Variants in VIP observed in about 807,000 individuals in gnomAD.
VIP encodes VIP peptides.
In VIP, 18 loss-of-function variants were observed where a neutral mutation model predicts 20.1. That is an observed-to-expected ratio of 0.90 (90% CI 0.62 to 1.33). VIP has a LOEUF of 1.33. Ranked by LOEUF, VIP falls within the 40% of genes most tolerant of loss-of-function variation. The pLI, the probability that VIP is intolerant of heterozygous loss-of-function variation, is 0.00. For missense variants in VIP, 209 were observed against 199.4 expected, an observed-to-expected ratio of 1.05 and a Z score of -0.29; for synonymous variants, 70 against 68.1, an observed-to-expected ratio of 1.03 and a Z score of -0.14.
At position 152,759,541 on chromosome 6, in the gene VIP, A is replaced by G. The variant is rs2099730922; in HGVS notation, c.*675A>G. On this transcript the variant is annotated 3_prime_UTR_variant, in exon 7 of 7. Coordinates refer to ENST00000367244, the MANE Select transcript of VIP (RefSeq NM_003381.4). Reference sequence around the variant, plus strand: ...AAGGAGAACGACCCCTGCTTCTGACACTGAAACTTCCCTTTCTGCTTGTGT... The same window carrying G: ...AAGGAGAACGACCCCTGCTTCTGACGCTGAAACTTCCCTTTCTGCTTGTGT... The G allele has an allele frequency of 6.6e-6, 1 of 151,880 alleles. No homozygotes were observed. Among genetic ancestry groups the G allele is most frequent in the Non-Finnish European group, 1.5e-5 (1 of 67,944 alleles). 9.4% of individuals were successfully genotyped at this position (151,880 alleles called of 1,614,324 possible). A position where few individuals can be genotyped will look rare whatever the true frequency, so the allele number is the denominator to read the frequency against.
In VIP at chr6:152,759,462, T is replaced by C. The variant is rs926129416; in HGVS notation, c.*596T>C. ...TTATTTTTAATGGTGTTTTAAAAAA[T>C]CTCAAATTTGGATTGCTAATCACCA... On this transcript the variant is annotated 3_prime_UTR_variant, in exon 7 of 7. Transcript: ENST00000367244. 4.6e-5 allele frequency: 7 copies of C among 151,936 alleles called. No homozygotes were observed. The highest frequency in any genetic ancestry group is 1.7e-4 in the African/African-American group (7 of 41,382). The allele number at this position is 151,936 out of a possible 1,614,324, so 9.4% of individuals were successfully genotyped here.
chr6:152,753,454 A>G (rs2099729953), intron 2 of VIP, among the ~76,000 whole-genome samples: 1 of 152,104 alleles, frequency 6.6e-6, no homozygotes, highest in Non-Finnish European at 1.5e-5. Context: ...CATATTCCAT[A>G]TATGCATTTG....
intron 5 of VIP, 38 bp downstream of exon 5, chr6:152,756,303 G>T: frequency 6.3e-7 from 1 of 1,585,026 alleles, no homozygotes; most frequent in South Asian, 1.2e-5. Flanking sequence ...GAGGAATCAT[G>T]ACTGACTTTC....
rs899553793 is a variant in VIP, at chr6:152,759,308, T to C, written c.*442T>C. On this transcript the variant is annotated 3_prime_UTR_variant, in exon 7 of 7. Transcript: ENST00000367244. ...TAATCAGTGTGTCTAAATTTGAATG[T>C]TAAGCAGATGGAATGCTGTGTTAAA... The C allele has an allele frequency of 2.6e-5, 4 of 152,028 alleles. No individual in the cohort carries two copies. Among genetic ancestry groups the C allele is most frequent in the African/African-American group, 9.7e-5 (4 of 41,416 alleles). The allele number at this position is 152,028 out of a possible 1,614,324, so 9.4% of individuals were successfully genotyped here. A position where few individuals can be genotyped will look rare whatever the true frequency, so the allele number is the denominator to read the frequency against.
chr6:152,752,156 C>G lies in VIP; in HGVS notation c.-10-12C>G. 6.3e-7 allele frequency: 1 copy of G among 1,599,912 alleles called. No homozygotes were observed. The highest frequency in any genetic ancestry group is 8.6e-7 in the Non-Finnish European group (1 of 1,167,842). ...TTTGGCTGGAAGAACTGAGGTGATT[C>G]TCTCTCTTTAGAGGCACAGAAATGG... On this transcript the variant is annotated splice_polypyrimidine_tract_variant and intron_variant, in intron 1 of 6. Coordinates refer to ENST00000367244, the MANE Select transcript of VIP (RefSeq NM_003381.4).
chr6:152,757,408 A>C (rs1489208756), intron 6 of VIP, among the ~76,000 whole-genome samples: 3 of 151,922 alleles, frequency 2.0e-5, no homozygotes, highest in Admixed American at 2.0e-4. Flanking sequence ...CACAATAAGC[A>C]AACGTTTTGA....
rs113416868 is a variant in VIP at position 152,755,812 on chromosome 6, G to GT, written c.336-314dup. On this transcript the variant is annotated intron_variant, in intron 4 of 6. Coordinates refer to ENST00000367244, the MANE Select transcript of VIP (RefSeq NM_003381.4). ...GCATAGCTTCTAAAGAAGTAATTATGTTTTTTTTAAAAAAAAAAAAAATTT... is the reference window on the plus strand; with the variant it reads ...GCATAGCTTCTAAAGAAGTAATTATGTTTTTTTTTAAAAAAAAAAAAAATTT... 7.4e-3 allele frequency among the ~76,000 whole-genome samples: 1,097 copies of GT among 148,466 alleles called. 4 individuals carry two copies. Among genetic ancestry groups the GT allele is most frequent in the African/African-American group, 0.016 (656 of 40,226 alleles).
In VIP at chr6:152,755,340, A is replaced by G. The variant is rs571217593; in HGVS notation, c.302A>G (p.Lys101Arg). The G allele has an allele frequency of 3.3e-5, 52 of 1,594,042 alleles. No homozygotes were observed. The South Asian group carries it at 5.4e-4, about 17-fold the overall frequency. Residue 101 changes from lysine (K) to arginine (R), a missense_variant, in exon 4 of 7, where the codon AAG (lysine) becomes AGG (arginine). Coordinates refer to ENST00000367244, the MANE Select transcript of VIP (RefSeq NM_003381.4). ...CTCTTGGGTCAACTTTCTGCCAAAA[A>G]GTACCTTGAGTCTCTTATGGGAAAA... ...SKLLGQLSAKKYLESLMGKRV... is the reference protein window; with the variant it reads ...SKLLGQLSAKRYLESLMGKRV...
At chr6:152,754,728 A>G (rs1271083053) in intron 3 of VIP, among the ~76,000 whole-genome samples, 1 of 151,940 alleles carries the variant, frequency 6.6e-6, no homozygotes, top group African/African-American at 2.4e-5. Context: ...GGTACAGACA[A>G]AGTATAAAAG....
Position 152,757,090 on chromosome 6 carries a change from C to T in VIP, c.468-6C>T, listed in dbSNP as rs758287958. The T allele has an allele frequency of 8.3e-5, 133 of 1,611,484 alleles. No individual in the cohort carries two copies. The highest frequency in any genetic ancestry group is 1.6e-4 in the Middle Eastern group (1 of 6,066). ...TTAATATGTACAATGTTTTTCTGGTCTGCAGCAGTGAGGGAGAATCTCCCG... is the reference window on the plus strand; with the variant it reads ...TTAATATGTACAATGTTTTTCTGGTTTGCAGCAGTGAGGGAGAATCTCCCG... On this transcript the variant is annotated splice_region_variant and splice_polypyrimidine_tract_variant and intron_variant, in intron 5 of 6. Coordinates refer to ENST00000367244, the MANE Select transcript of VIP (RefSeq NM_003381.4).
At chr6:152,756,049 A>G in intron 4 of VIP, 85 bp from the exon 5 acceptor site, 1 of 1,372,092 alleles carries the variant, frequency 7.3e-7, no homozygotes, top group Non-Finnish European at 9.6e-7. Flanking sequence ...ATTGCTTTTT[A>G]TGTGGCTCCA....
chr6:152,757,855 A>G (rs959017935), intron 6 of VIP, among the ~76,000 whole-genome samples: 3 of 151,970 alleles, frequency 2.0e-5, no homozygotes, highest in African/African-American at 7.2e-5. Flanking sequence ...TTGATTTTAT[A>G]TAAATGTGGG....
chr6:152,752,324 C>T (rs747236671), intron 2 of VIP, 40 bp downstream of exon 2: 2 of 1,514,288 alleles, frequency 1.3e-6, no homozygotes, highest in East Asian at 2.3e-5. Context: ...ACATTCCTTC[C>T]TCATCTAAAT....
At chr6:152,755,397 T>C in intron 4 of VIP, 24 bp downstream of exon 4, 1 of 1,321,136 alleles carries the variant, frequency 7.6e-7, no homozygotes, top group Non-Finnish European at 1.0e-6. Flanking sequence ...ATTATTTTTA[T>C]AAAATATGTT....
In VIP at chr6:152,757,126, A is replaced by G; in HGVS notation, c.498A>G (p.Glu166=). ...SSEGESPDFP[E]ELEK ...AGGGAGAATCTCCCGACTTTCCAGA[A>G]GAGTTAGAAAAATGATGAAAAAGAC... The change falls in exon 6 of 7, where the codon GAA becomes GAG. Residue 166 remains glutamate (E), a synonymous_variant. Transcript: ENST00000367244. The G allele has an allele frequency of 6.2e-7, 1 of 1,611,904 alleles. No homozygotes were observed. Among genetic ancestry groups the G allele is most frequent in the Non-Finnish European group, 8.5e-7 (1 of 1,178,688 alleles).
At chr6:152,754,099 T>C in intron 2 of VIP, 67 bp from the exon 3 acceptor site, 1 of 1,523,250 alleles carries the variant, frequency 6.6e-7, no homozygotes, top group South Asian at 1.3e-5. Flanking sequence ...TTTTAAATGG[T>C]TGCGGAACCA....
intron 2 of VIP, among the ~76,000 whole-genome samples, chr6:152,753,013 G>A (rs368921914): frequency 1.6e-4 from 25 of 152,164 alleles, no homozygotes; most frequent in African/African-American, 5.3e-4. Context: ...GGGCACCACT[G>A]TATCTCCAAA....
chr6:152,754,390 T>A, intron 3 of VIP, 102 bp downstream of exon 3: 3 of 1,130,610 alleles, frequency 2.7e-6, no homozygotes, highest in Admixed American at 5.2e-5. Context: ...GCTATTCCGA[T>A]AGCAAAACAC....
chr6:152,752,781 A>G (rs1426954417), intron 2 of VIP, among the ~76,000 whole-genome samples: 1 of 152,134 alleles, frequency 6.6e-6, no homozygotes, highest in Non-Finnish European at 1.5e-5. Flanking sequence ...CCAATATTAA[A>G]TATGGGGTAA....
Sources: allele counts gnomAD v4.1 joint callset (sites outside exome capture counted in the v4.1 genomes callset), GRCh38; gene constraint gnomAD v4.1.1; transcripts MANE v1.5; gene names NCBI Gene and HGNC (gene_info 2026-07-23, HGNC 2026-07-21).